The following AP4E1 variants were observed in gnomAD, a reference collection of about 807,000 sequenced individuals.
AP4E1 encodes adaptor related protein complex 4 subunit epsilon 1.
Under a neutral mutation model 128.2 loss-of-function variants are expected in AP4E1, and 56 were observed. The observed-to-expected ratio is 0.44, with a 90% CI of 0.35 to 0.55. AP4E1 has a LOEUF of 0.55. Ranked by LOEUF, AP4E1 falls within the 20% of genes least tolerant of loss-of-function variation. The pLI, the probability that AP4E1 is intolerant of heterozygous loss-of-function variation, is 0.00. For missense variants in AP4E1, 1,324 were observed against 1,307.7 expected, an observed-to-expected ratio of 1.01 and a Z score of -0.19; for synonymous variants, 484 against 473.1, an observed-to-expected ratio of 1.02 and a Z score of -0.30.
intron 15 of AP4E1, among the ~76,000 whole-genome samples, chr15:50,980,011 G>T (rs925041357): frequency 1.3e-5 from 2 of 152,130 alleles, no homozygotes; most frequent in Non-Finnish European, 2.9e-5. Flanking sequence ...TTAGATTGCC[G>T]TAAACATAAT....
intron 3 of AP4E1, among the ~76,000 whole-genome samples, chr15:50,923,013 G>A (rs918494349): frequency 3.3e-5 from 5 of 152,094 alleles, no homozygotes; most frequent in East Asian, 1.9e-4. Flanking sequence ...TCCTAACCTC[G>A]TGATTCACCC....
In AP4E1 at chr15:50,993,838, G is replaced by C. The variant is rs546834718; in HGVS notation, c.2346+213G>C. Among the ~76,000 whole-genome samples the C allele has an allele frequency of 1.6e-4, 24 of 152,330 alleles. No homozygotes were observed. The East Asian group carries it at 4.6e-3, about 29-fold the overall frequency. ...AATGCAGTTGGCTCAACTTGAGTCA[G>C]GTGTTCTCTGTAGCCCAGTCAGTGG... On this transcript the variant is annotated intron_variant, in intron 17 of 20. Transcript: ENST00000261842.
intron 1 of AP4E1, among the ~76,000 whole-genome samples, chr15:50,911,392 G>A (rs2063564564): frequency 6.6e-6 from 1 of 151,838 alleles, no homozygotes. Context: ...ATTCCATGAA[G>A]ACTTTTTACT....
At chr15:50,945,890 T>C in intron 10 of AP4E1, 1 of 1,012,232 alleles carries the variant, frequency 9.9e-7, no homozygotes, top group Non-Finnish European at 1.6e-6. Flanking sequence ...CAGTGCATCA[T>C]GAAAGAAGCT....
At chr15:50,960,699 A>G (rs759533320) in intron 14 of AP4E1, among the ~76,000 whole-genome samples, 10 of 151,988 alleles carry the variant, frequency 6.6e-5, no homozygotes, top group Non-Finnish European at 1.3e-4. Flanking sequence ...CAAACAAACA[A>G]CCTTATGATG....
At chr15:50,952,354 C>G (rs1469541092) in intron 13 of AP4E1, among the ~76,000 whole-genome samples, 2 of 151,626 alleles carry the variant, frequency 1.3e-5, no homozygotes, top group Non-Finnish European at 2.9e-5. Context: ...ACTAAAAATA[C>G]AAAAAATTAG....
chr15:50,945,004 T>A, intron 10 of AP4E1: 1 of 769,950 alleles, frequency 1.3e-6, no homozygotes, highest in Non-Finnish European at 2.4e-6. Context: ...GTATAAGGAA[T>A]ACGTACTCAC....
At chr15:50,957,905 C>T (rs1299864629) in intron 13 of AP4E1, among the ~76,000 whole-genome samples, 1 of 151,918 alleles carries the variant, frequency 6.6e-6, no homozygotes, top group East Asian at 1.9e-4. Flanking sequence ...TCAAACTCCT[C>T]AGGTGATCCA....
chr15:50,988,067 T>C (rs2064753182), intron 16 of AP4E1, among the ~76,000 whole-genome samples: 1 of 152,192 alleles, frequency 6.6e-6, no homozygotes, highest in Non-Finnish European at 1.5e-5. Context: ...CTTGTAACCG[T>C]CTCATTGGAA....
chr15:50,935,827 G>T (rs2063901450), intron 8 of AP4E1, among the ~76,000 whole-genome samples: 1 of 152,182 alleles, frequency 6.6e-6, no homozygotes, highest in Admixed American at 6.5e-5. Flanking sequence ...AAGGAAAAAG[G>T]ATTGTGTGTA....
intron 2 of AP4E1, 38 bp downstream of exon 2, chr15:50,912,187 G>C (rs1456405409): frequency 6.6e-7 from 1 of 1,526,480 alleles, no homozygotes; most frequent in African/African-American, 1.7e-5. Context: ...ATTTGAATTT[G>C]AAATCTAGTC....
chr15:50,934,590 T>C (rs1229942453), intron 7 of AP4E1, 34 bp from the exon 8 acceptor site: 1 of 1,448,116 alleles, frequency 6.9e-7, no homozygotes, highest in Non-Finnish European at 9.7e-7. Context: ...TAGAATACTA[T>C]AATTCTACTG....
At chr15:50,983,617 G>A (rs2140913980) in intron 15 of AP4E1, among the ~76,000 whole-genome samples, 1 of 152,204 alleles carries the variant, frequency 6.6e-6, no homozygotes, top group East Asian at 1.9e-4. Context: ...AATCCATTTG[G>A]TACGAGAATG....
rs1308631163 is a variant in AP4E1 at position 51,001,111 on chromosome 15, TC to T, written c.3182del (p.Ser1061PhefsTer9). ...DVKQNVKMSESQAALPSALKT... is the reference protein window; with the variant it reads ...DVKQNVKMSEXQAALPSALKT... ...GAAACAAAATGTAAAAATGTCAGAATCTCAAGCTGCACTTCCTTCTGCACTA... is the reference window on the plus strand; with the variant it reads ...GAAACAAAATGTAAAAATGTCAGAATTCAAGCTGCACTTCCTTCTGCACTA... On this transcript the variant is annotated frameshift_variant, in exon 20 of 21. Transcript: ENST00000261842. LOFTEE classifies it high-confidence loss of function. 1 of 1,613,656 alleles carries T rather than the reference TC, an allele frequency of 6.2e-7. No individual in the cohort carries two copies. Among genetic ancestry groups the T allele is most frequent in the Admixed American group, 1.7e-5 (1 of 60,004 alleles).
rs191254833 is a variant in AP4E1, at chr15:50,962,625, T to G, written c.1851+3831T>G. On this transcript the variant is annotated intron_variant, in intron 14 of 20. Transcript: ENST00000261842. ...ACCCACAATGAATTAAAGAATTTAA[T>G]GTAAGATCCAAAACTATAAAACTAC... Among the ~76,000 whole-genome samples the G allele has an allele frequency of 3.3e-4, 50 of 152,162 alleles. 1 individual carries two copies. Among genetic ancestry groups the G allele is most frequent in the Non-Finnish European group, 7.2e-4 (49 of 67,968 alleles).
At chr15:50,942,768 A>G (rs2064005676) in intron 10 of AP4E1, among the ~76,000 whole-genome samples, 1 of 151,040 alleles carries the variant, frequency 6.6e-6, no homozygotes, top group Non-Finnish European at 1.5e-5. Flanking sequence ...TTGGGTGTCT[A>G]TATAAATATT....
intron 13 of AP4E1, among the ~76,000 whole-genome samples, chr15:50,957,643 G>C (rs1447705753): frequency 7.0e-6 from 1 of 143,730 alleles, no homozygotes; most frequent in African/African-American, 2.6e-5. Context: ...TGTCACCTAA[G>C]TTAGATGTGT....
rs528109298 is a variant in AP4E1 at position 50,914,176 on chromosome 15, C to A, written c.223-1272C>A. 2.1e-4 allele frequency among the ~76,000 whole-genome samples: 32 copies of A among 152,272 alleles called. No individual in the cohort carries two copies. In the South Asian group the frequency reaches 6.6e-3, roughly 32 times the overall value. On this transcript the variant is annotated intron_variant, in intron 2 of 20. Transcript: ENST00000261842. ...GAATTAACTTTTACTGCTTTAAGCACAAGTGACCTGAGTTAAATCTCATTC... is the reference window on the plus strand; with the variant it reads ...GAATTAACTTTTACTGCTTTAAGCAAAAGTGACCTGAGTTAAATCTCATTC...
chr15:50,968,754 A>G (rs1287812369), intron 15 of AP4E1, among the ~76,000 whole-genome samples: 1 of 152,078 alleles, frequency 6.6e-6, no homozygotes, highest in Admixed American at 6.6e-5. Context: ...CAGCCTCCCA[A>G]GTAGCTGGAT....
Sources: allele counts gnomAD v4.1 joint callset (sites outside exome capture counted in the v4.1 genomes callset), GRCh38; gene constraint gnomAD v4.1.1; transcripts MANE v1.5; gene names NCBI Gene and HGNC (gene_info 2026-07-23, HGNC 2026-07-21).